BTBD8: variants seen among roughly 807,000 people sequenced by gnomAD.
The protein encoded by BTBD8 is BTB domain containing 8.
In BTBD8, 110 loss-of-function variants were observed where a neutral mutation model predicts 162.9. That is an observed-to-expected ratio of 0.68 (90% confidence interval 0.58 to 0.79). The LOEUF is 0.79. Among genes scored for constraint, BTBD8 ranks in the 30% least tolerant of loss-of-function variants. BTBD8 has a pLI of 0.00. For missense variants in BTBD8, 1,905 were observed against 2,085.4 expected (o/e 0.91, Z 1.68); for synonymous variants, 667 against 716.1 (o/e 0.93, Z 1.10).
intron 8 of BTBD8, among the ~76,000 whole-genome samples, chr1:92,147,474 C>A (rs1043503819): frequency 6.6e-6 from 1 of 151,986 alleles, no homozygotes; most frequent in Non-Finnish European, 1.5e-5. Context: ...CTTAGCTGAA[C>A]CATGGTTAAT....
chr1:92,147,661 G>A (rs1430501850), intron 8 of BTBD8, 23 bp from the exon 9 acceptor site: 11 of 1,551,944 alleles, frequency 7.1e-6, no homozygotes, highest in East Asian at 2.2e-5. Flanking sequence ...TTTCTTTAAC[G>A]TGGTATTCTT....
intron 8 of BTBD8, 104 bp from the exon 9 acceptor site, chr1:92,147,580 C>T (rs994526712): frequency 7.0e-5 from 55 of 783,888 alleles, no homozygotes; most frequent in Non-Finnish European, 1.0e-4. Flanking sequence ...TAGTATTAGT[C>T]AGGTCATATA....
rs772467159 is a variant in BTBD8, at chr1:92,184,620, A to G, written c.*290A>G. The G allele has an allele frequency of 1.7e-5, 4 of 236,732 alleles. No individual in the cohort carries two copies. The highest frequency in any genetic ancestry group is 3.3e-5 in the Non-Finnish European group (4 of 121,920). 14.7% of individuals were successfully genotyped at this position (236,732 alleles called of 1,614,324 possible). On this transcript the variant is annotated 3_prime_UTR_variant, in exon 18 of 18. Transcript: ENST00000636805. ...GATTTGTTCACTTAATCATTATTCA[A>G]GAATTTAAAATGTGAATGCAGAAGT...
At position 92,106,660 on chromosome 1, in the gene BTBD8, C is replaced by CAAAAAAAAAAAA. The variant is rs60676530; in HGVS notation, c.545-1206_545-1195dup. On this transcript the variant is annotated intron_variant, in intron 3 of 17. Transcript: ENST00000636805. Reference sequence around the variant, plus strand: ...TGGGCGACAGAGTAAGACTCTGTCTCAAAAAAAAAAAAAAAAAAAAAAAAA... The same window carrying CAAAAAAAAAAAA: ...TGGGCGACAGAGTAAGACTCTGTCTCAAAAAAAAAAAAAAAAAAAAAAAAAAAAAAAAAAAAA... 3.0e-4 allele frequency among the ~76,000 whole-genome samples: 3 copies of CAAAAAAAAAAAA among 9,944 alleles called. 1 individual carries two copies. The highest frequency in any genetic ancestry group is 1.2e-3 in the African/African-American group (3 of 2,520). 6.5% of individuals were successfully genotyped at this position (9,944 alleles called of 152,430 possible).
In BTBD8 at chr1:92,180,710, G is replaced by A. The variant is rs1317386342; in HGVS notation, c.3027G>A (p.Arg1009=). Residue 1009 remains arginine (R), a synonymous_variant, in exon 17 of 18, where the codon AGG becomes AGA. Transcript: ENST00000636805. Reference sequence around the variant, plus strand: ...CAGAAGCACTCCAGTCATCCTGCAGGCCTGACCCACAAAAGCCATTAAACG... The same window carrying A: ...CAGAAGCACTCCAGTCATCCTGCAGACCTGACCCACAAAAGCCATTAAACG... ...SDAEALQSSC[R]PDPQKPLNDQ... is the part of the protein sequence containing the mutation. The A allele has an allele frequency of 2.6e-6, 4 of 1,551,504 alleles. No homozygotes were observed. In the African/African-American group the frequency reaches 4.1e-5, roughly 16 times the overall value.
At chr1:92,147,394 G>A in intron 8 of BTBD8, 126 bp downstream of exon 8, 1 of 732,218 alleles carries the variant, frequency 1.4e-6, no homozygotes. Flanking sequence ...GTAGCTTAGT[G>A]CTAAACTAGT....
Position 92,182,373 on chromosome 1 carries a change from A to G in BTBD8, c.4690A>G (p.Asn1564Asp), listed in dbSNP as rs767893705. The G allele has an allele frequency of 5.2e-6, 8 of 1,550,108 alleles. No homozygotes were observed. The Admixed American group carries it at 1.6e-4, about 31-fold the overall frequency. Residue 1564 changes from asparagine (N) to aspartate (D), a missense_variant, in exon 17 of 18, where the codon AAT becomes GAT. By Grantham distance (23) the Asn-to-Asp change is conservative. Around this residue, in one of 3 missense-constraint regions of BTBD8, gnomAD observed 517 missense variants for 606.6 expected, o/e 0.85. Transcript: ENST00000636805. ...AGTAAACAATGGAAGCAATGTGGAA[A>G]ATGACATTCAGCAACGCAGCAAATT... ...KKVNNGSNVE[N>D]DIQQRSKFLD...
chr1:92,147,847 A>G (rs747171672), intron 9 of BTBD8, 61 bp downstream of exon 9: 7 of 1,374,124 alleles, frequency 5.1e-6, no homozygotes, highest in South Asian at 1.3e-5. Flanking sequence ...TCAATTTTGT[A>G]TAGTACTTTC....
intron 4 of BTBD8, among the ~76,000 whole-genome samples, chr1:92,116,134 G>C (rs1033810210): frequency 2.6e-5 from 4 of 151,960 alleles, no homozygotes; most frequent in Admixed American, 2.6e-4. Flanking sequence ...AATTTCAACT[G>C]TTTGGGAATT....
At chr1:92,142,343 A>G (rs1161932352) in intron 7 of BTBD8, among the ~76,000 whole-genome samples, 2 of 152,232 alleles carry the variant, frequency 1.3e-5, no homozygotes, top group Non-Finnish European at 2.9e-5. Flanking sequence ...GAATATCTGC[A>G]ATGAGGAGAT....
intron 2 of BTBD8, among the ~76,000 whole-genome samples, chr1:92,094,112 A>G (rs1167919627): frequency 6.6e-6 from 1 of 152,192 alleles, no homozygotes; most frequent in African/African-American, 2.4e-5. Flanking sequence ...TCTCATTTCA[A>G]AGAAAGTAGT....
chr1:92,141,340 C>T, intron 7 of BTBD8, 129 bp downstream of exon 7: 1 of 978,756 alleles, frequency 1.0e-6, no homozygotes, highest in Non-Finnish European at 1.4e-6. Flanking sequence ...CTAATGAGAA[C>T]TCCAGTTGAG....
chr1:92,106,660 CAAAAAA>C (rs60676530), intron 3 of BTBD8, among the ~76,000 whole-genome samples: 7 of 9,942 alleles, frequency 7.0e-4, no homozygotes, highest in African/African-American at 2.4e-3. Flanking sequence ...GACTCTGTCT[CAAAAAA>C]AAAAAAAAAA....
chr1:92,183,755 G>GTTTTTTTTTTTTTTTTTTTTTT (rs59910368), intron 17 of BTBD8, 109 bp from the exon 18 acceptor site: 1 of 405,374 alleles, frequency 2.5e-6, no homozygotes, highest in Non-Finnish European at 4.1e-6. Context: ...CCCATTCTGT[G>GTTTTTTTTTTTTTTTTTTTTTT]TTTTTTTTTT....
chr1:92,125,474 G>C (rs1211961567), intron 4 of BTBD8: 5 of 326,350 alleles, frequency 1.5e-5, no homozygotes, highest in Non-Finnish European at 3.0e-5. Context: ...TGAGAGGCTG[G>C]AGAAGGAGGA....
At chr1:92,129,420 G>A (rs1425701933) in intron 4 of BTBD8, among the ~76,000 whole-genome samples, 1 of 151,878 alleles carries the variant, frequency 6.6e-6, no homozygotes, top group Non-Finnish European at 1.5e-5. Context: ...TAGGAGTTCA[G>A]GGCTGTAGTA....
chr1:92,107,495 T>A (rs1570722017), intron 3 of BTBD8, among the ~76,000 whole-genome samples: 1 of 152,328 alleles, frequency 6.6e-6, no homozygotes. Flanking sequence ...CATGCGGTAC[T>A]GGTTTATAGC....
At chr1:92,178,513 A>G in intron 16 of BTBD8, 62 bp downstream of exon 16, 1 of 1,370,608 alleles carries the variant, frequency 7.3e-7, no homozygotes, top group Non-Finnish European at 9.8e-7. Flanking sequence ...GGATAAGCCA[A>G]ACTCTGATTT....
At chr1:92,147,294 A>T (rs1233635885) in intron 8 of BTBD8, 26 bp downstream of exon 8, 1 of 1,544,518 alleles carries the variant, frequency 6.5e-7, no homozygotes, top group African/African-American at 1.4e-5. Context: ...TAGTGCTGAT[A>T]CTATTAATTT....
Sources: gnomAD v4.1 joint callset for allele counts (sites outside exome capture counted in the v4.1 genomes callset) on GRCh38, gnomAD v4.1.1 for gene constraint, gnomAD v4.1.1 regional missense constraint, MANE v1.5 for transcripts, NCBI Gene and HGNC (gene_info 2026-07-23, HGNC 2026-07-21) for gene names.